The following CD1B variants were observed in gnomAD, a reference collection of about 807,000 sequenced individuals.
CD1B encodes the protein T-cell surface glycoprotein CD1b.
A neutral mutation model predicts 39.8 loss-of-function variants in CD1B; 43 were observed. The ratio of observed to expected loss-of-function variants is 1.08; its 90% CI spans 0.85 to 1.39. CD1B has a LOEUF of 1.39. Ranked by LOEUF, CD1B falls within the 40% of genes most tolerant of loss-of-function variation. The pLI, the probability that CD1B is intolerant of heterozygous loss-of-function variation, is 0.00. For synonymous variants in CD1B, 192 were observed against 152.5 expected (o/e 1.26, Z -1.91); for missense variants, 495 against 403.8 (o/e 1.23, Z -1.94).
At chr1:158,330,220 GA>G (rs1368717836) in intron 2 of CD1B, 90 bp from the exon 3 acceptor site, 8 of 1,211,018 alleles carry the variant, frequency 6.6e-6, no homozygotes, top group Non-Finnish European at 9.3e-6. Context: ...TTTTGGTGGG[GA>G]TAAAGTTATT....
At position 158,330,005 on chromosome 1, in the gene CD1B, A is replaced by C. The variant is rs756607957; in HGVS notation, c.454T>G (p.Ser152Ala). The change falls in exon 3 of 6, where the codon TCC becomes GCC. Residue 152 changes from serine (S) to alanine (A), a missense_variant. Transcript: ENST00000368168. Reference sequence around the variant, plus strand: ...TGTGCCCTGCTGCCACCTTCTGGGGAAGGCACACATGAAGCATTCTTGACA... The same window carrying C: ...TGTGCCCTGCTGCCACCTTCTGGGGCAGGCACACATGAAGCATTCTTGACA... ...LSVKNASCVPSPEGGSRAQKF... is the reference protein window; with the variant it reads ...LSVKNASCVPAPEGGSRAQKF... The C allele has an allele frequency of 1.9e-6, 3 of 1,613,960 alleles. No individual in the cohort carries two copies. The highest frequency in any genetic ancestry group is 2.5e-6 in the Non-Finnish European group (3 of 1,180,008).
chr1:158,329,980 T>G lies in CD1B; in HGVS notation c.479A>C (p.Gln160Pro), dbSNP rs1652526202. 1 of 1,613,874 alleles carries G rather than the reference T, an allele frequency of 6.2e-7. No homozygotes were observed. The highest frequency in any genetic ancestry group is 8.5e-7 in the Non-Finnish European group (1 of 1,179,962). ...TTGTATGATTAGTGCACAGAATTTC[T>G]GTGCCCTGCTGCCACCTTCTGGGGA... is the stretch of plus-strand genomic sequence containing the variant. ...VPSPEGGSRA[Q>P]KFCALIIQYQ... Residue 160 changes from glutamine (Q) to proline (P), a missense_variant, in exon 3 of 6, where the codon CAG (glutamine) becomes CCG (proline). Gln to Pro is a moderately conservative substitution (Grantham distance 76). Coordinates refer to ENST00000368168, the MANE Select transcript of CD1B (RefSeq NM_001764.3).
chr1:158,291,361 C>G, the CD1B span: 9 of 1,613,874 alleles, frequency 5.6e-6, no homozygotes, highest in Non-Finnish European at 7.6e-6. Flanking sequence ...TGGATTAACT[C>G]GGGAGATTCA....
chr1:158,330,528 G>T, intron 2 of CD1B: 2 of 644,180 alleles, frequency 3.1e-6, no homozygotes, highest in Non-Finnish European at 5.7e-6. Context: ...AAGGGCCCTT[G>T]AGGAGAAGTT....
rs202176904 is a variant in CD1B, at chr1:158,328,925, G to A, written c.976C>T (p.Arg326Cys). The change falls in exon 5 of 6, where the codon CGC becomes TGC. Residue 326 changes from arginine (R) to cysteine (C), a missense_variant. Physicochemically the swap from Arg to Cys is radical, Grantham distance 180. Transcript: ENST00000368168. Reference protein sequence around the residue: ...LLCLALWYMRRRSYQNIP With the variant: ...LLCLALWYMRCRSYQNIP ...ACAACACCACCCACAACTCACCGGC[G>A]CCTCATATACCATAATGCAAGGCAT... 12 of 1,597,198 alleles carry A rather than the reference G, an allele frequency of 7.5e-6. No individual in the cohort carries two copies. Among genetic ancestry groups the A allele is most frequent in the Admixed American group, 3.6e-5 (2 of 56,202 alleles).
At chr1:158,309,144 A>G in the CD1B span, among the ~76,000 whole-genome samples, 1 of 152,196 alleles carries the variant, frequency 6.6e-6, no homozygotes, top group South Asian at 2.1e-4. Flanking sequence ...AGAAAAAAAC[A>G]AACAACCCCA....
At chr1:158,303,879 C>G in the CD1B span, among the ~76,000 whole-genome samples, 1 of 152,144 alleles carries the variant, frequency 6.6e-6, no homozygotes, top group African/African-American at 2.4e-5. Context: ...CTACTCCTAT[C>G]AAAGTACCAA....
At chr1:158,307,228 A>C in the CD1B span, among the ~76,000 whole-genome samples, 3 of 152,202 alleles carry the variant, frequency 2.0e-5, no homozygotes, top group South Asian at 6.2e-4. Flanking sequence ...AATAGACGCA[A>C]TAAAAGATGA....
the CD1B span, among the ~76,000 whole-genome samples, chr1:158,310,706 TA>T: frequency 6.6e-6 from 1 of 152,124 alleles, no homozygotes. Flanking sequence ...CAAGCATATT[TA>T]AAAATTCTCA....
At chr1:158,296,727 G>T in the CD1B span, among the ~76,000 whole-genome samples, 1 of 152,096 alleles carries the variant, frequency 6.6e-6, no homozygotes, top group Non-Finnish European at 1.5e-5. Flanking sequence ...ATAACTGAAA[G>T]ACAAAATAGC....
At chr1:158,319,955 C>T in the CD1B span, among the ~76,000 whole-genome samples, 2 of 152,152 alleles carry the variant, frequency 1.3e-5, no homozygotes, top group Non-Finnish European at 1.5e-5. Context: ...CTGGGGGGTG[C>T]CTCCCAGTTA....
At chr1:158,287,730 T>C in the CD1B span, among the ~76,000 whole-genome samples, 1 of 152,236 alleles carries the variant, frequency 6.6e-6, no homozygotes, top group Non-Finnish European at 1.5e-5. Context: ...GGTTTTATAA[T>C]ATTATCCAAT....
At chr1:158,309,643 A>G in the CD1B span, among the ~76,000 whole-genome samples, 2 of 152,178 alleles carry the variant, frequency 1.3e-5, no homozygotes, top group Non-Finnish European at 2.9e-5. Flanking sequence ...ATGGAATACT[A>G]TGCAGCCATA....
chr1:158,309,834 G>A, the CD1B span, among the ~76,000 whole-genome samples: 217 of 150,202 alleles, frequency 1.4e-3, 1 homozygote, highest in African/African-American at 5.1e-3. Context: ...CCTGTTGTGG[G>A]GTGGGGGGAA....
the CD1B span, among the ~76,000 whole-genome samples, chr1:158,300,283 G>T: frequency 6.6e-6 from 1 of 152,168 alleles, no homozygotes; most frequent in Non-Finnish European, 1.5e-5. Context: ...ATGTAGTTGT[G>T]TGGTTTTGAG....
the CD1B span, among the ~76,000 whole-genome samples, chr1:158,317,990 T>C: frequency 6.6e-6 from 1 of 152,240 alleles, no homozygotes; most frequent in African/African-American, 2.4e-5. Context: ...AGATTCTTAA[T>C]TCTGAGTTCT....
downstream of CD1B, among the ~76,000 whole-genome samples, chr1:158,326,786 A>AATT (rs374291885): frequency 7.4e-4 from 111 of 149,642 alleles, 1 homozygote; most frequent in African/African-American, 1.2e-3. Context: ...GCACATATAA[A>AATT]ATTATTATTA....
At chr1:158,317,073 A>G in the CD1B span, among the ~76,000 whole-genome samples, 1 of 151,960 alleles carries the variant, frequency 6.6e-6, no homozygotes, top group South Asian at 2.1e-4. Flanking sequence ...TATTTTATTG[A>G]GGATTTTTGC....
chr1:158,302,699 A>C, the CD1B span, among the ~76,000 whole-genome samples: 1 of 152,158 alleles, frequency 6.6e-6, no homozygotes, highest in East Asian at 1.9e-4. Flanking sequence ...AAATGGAAAA[A>C]TTCTTGAAAA....
Sources: allele counts gnomAD v4.1 joint callset (sites outside exome capture counted in the v4.1 genomes callset), GRCh38; gene constraint gnomAD v4.1.1; transcripts MANE v1.5; gene names NCBI Gene and HGNC (gene_info 2026-07-23, HGNC 2026-07-21).